APOF: variants seen among roughly 807,000 people sequenced by gnomAD.
APOF encodes lipid transfer inhibitor protein.
APOF carries 2 observed loss-of-function variants against 2.4 expected under a neutral mutation model. The ratio of observed to expected loss-of-function variants is 0.83; its 90% confidence interval spans 0.34 to 2.61. APOF has a LOEUF of 2.61. Among genes scored for constraint, APOF ranks in the 30% most tolerant of loss-of-function variants. The pLI is 0.11. For missense variants in APOF, 370 were observed against 388.7 expected, an observed-to-expected ratio of 0.95 and a Z score of 0.40; for synonymous variants, 149 against 155.6, an observed-to-expected ratio of 0.96 and a Z score of 0.32.
At chr12:56,362,585 G>C (rs763357547) in intron 1 of APOF, 145 bp downstream of exon 1, 9 of 775,598 alleles carry the variant, frequency 1.2e-5, no homozygotes, top group Non-Finnish European at 1.9e-5. Context: ...GAGCCACCGC[G>C]CCTGGCCCCA....
In APOF at chr12:56,362,791, G is replaced by A. The variant is rs775745627; in HGVS notation, c.-46C>T. The A allele has an allele frequency of 3.7e-6, 6 of 1,606,322 alleles. No homozygotes were observed. The South Asian group carries it at 5.5e-5, about 15-fold the overall frequency. ...GTAGGTTTGATCGCTTCCTGATCCT[G>A]TTCTGCCTAGTTCTGTGTCCCATGA... On this transcript the variant is annotated 5_prime_UTR_variant, in exon 1 of 2. Coordinates refer to ENST00000398189, the MANE Select transcript of APOF (RefSeq NM_001638.4).
Position 56,361,905 on chromosome 12 carries a change from G to T in APOF, c.301C>A (p.Gln101Lys). ...LRNALEEAGC[Q>K]ADVWALQLQL... The stretch of plus-strand genomic sequence containing the variant: ...AGCTGTAGAGCCCAAACATCAGCCT[G>T]ACAACCAGCTTCCTCCAGGGCATTC... The change falls in exon 2 of 2, where the codon CAG becomes AAG. Residue 101 changes from glutamine (Q) to lysine (K), a missense_variant. Transcript: ENST00000398189. The T allele has an allele frequency of 6.2e-7, 1 of 1,613,962 alleles. No individual in the cohort carries two copies. The highest frequency in any genetic ancestry group is 8.5e-7 in the Non-Finnish European group (1 of 1,179,854).
In APOF at chr12:56,361,538, T is replaced by C. The variant is rs1194060640; in HGVS notation, c.668A>G (p.Tyr223Cys). The part of the protein sequence containing the change: ...RGRDGAIDLG[Y>C]DLLMTMAGMS... ...CCCAGCCATGGTCATCAGAAGGTCA[T>C]ATCCCAGATCTATGGCCCCATCTCG... is the stretch of plus-strand genomic sequence containing the variant. Residue 223 changes from tyrosine to cysteine, a missense_variant, in exon 2 of 2, where the codon TAT becomes TGT. By Grantham distance (194) the Tyr-to-Cys change is radical. Transcript: ENST00000398189. The C allele has an allele frequency of 1.9e-6, 3 of 1,613,966 alleles. No individual in the cohort carries two copies. Among genetic ancestry groups the C allele is most frequent in the Non-Finnish European group, 1.7e-6 (2 of 1,179,912 alleles).
At position 56,361,652 on chromosome 12, in the gene APOF, A is replaced by G; in HGVS notation, c.554T>C (p.Leu185Pro). 2 of 1,613,128 alleles carry G rather than the reference A, an allele frequency of 1.2e-6. No individual in the cohort carries two copies. The highest frequency in any genetic ancestry group is 1.7e-6 in the Non-Finnish European group (2 of 1,179,506). Residue 185 changes from leucine (L) to proline (P), a missense_variant, in exon 2 of 2, where the codon CTG becomes CCG. Leu to Pro is a moderately conservative substitution (Grantham distance 98, BLOSUM62 -3). Transcript: ENST00000398189. Reference protein sequence around the residue: ...KEQAVHNVVQLLPGVGTFYNL... With the variant: ...KEQAVHNVVQPLPGVGTFYNL... ...GTAGAAGGTTCCCACTCCTGGCAGC[A>G]GCTGGACTACATTGTGCACAGCTTG...
chr12:56,361,805 C>A lies in APOF; in HGVS notation c.401G>T (p.Arg134Ile), dbSNP rs1382059382. The A allele has an allele frequency of 6.2e-7, 1 of 1,612,742 alleles. No individual in the cohort carries two copies. Among genetic ancestry groups the A allele is most frequent in the African/African-American group, 1.3e-5 (1 of 74,938 alleles). Residue 134 changes from arginine to isoleucine, a missense_variant, in exon 2 of 2, where the codon AGA becomes ATA. Transcript: ENST00000398189. ...CACTGACACGTTCCTCTCTGTGCTT[C>A]TGCCTTTCTGGAGCCCTCGAAGATG... ...IQHLRGLQKGRSTERNVSVEA... is the reference protein window; with the variant it reads ...IQHLRGLQKGISTERNVSVEA...
rs1880295444 is a variant in APOF at position 56,361,111 on chromosome 12, T to C, written c.*114A>G. On this transcript the variant is annotated 3_prime_UTR_variant, in exon 2 of 2. Transcript: ENST00000398189. ...GACTTCAACACCCAAACATTTACGT[T>C]CTTACGTTTTACTGTACAGCCTTCC... 1 of 1,293,622 alleles carries C rather than the reference T, an allele frequency of 7.7e-7. No homozygotes were observed. Among genetic ancestry groups the C allele is most frequent in the Non-Finnish European group, 1.0e-6 (1 of 957,028 alleles). The allele number at this position is 1,293,622 out of a possible 1,614,324, so 80.1% of individuals were successfully genotyped here.
rs1441086732 is a variant in APOF, at chr12:56,360,673, T to G, written c.*552A>C. The G allele has an allele frequency of 6.5e-6, 1 of 153,078 alleles. No homozygotes were observed. Among genetic ancestry groups the G allele is most frequent in the Non-Finnish European group, 1.5e-5 (1 of 68,596 alleles). The allele number at this position is 153,078 out of a possible 1,614,324, so 9.5% of individuals were successfully genotyped here. ...ATCTCGGCTCGCTGCAGCCTCGACCTCCCAGGCTCAGGTGATTCTCCCGCC... is the reference window on the plus strand; with the variant it reads ...ATCTCGGCTCGCTGCAGCCTCGACCGCCCAGGCTCAGGTGATTCTCCCGCC... On this transcript the variant is annotated 3_prime_UTR_variant, in exon 2 of 2. Transcript: ENST00000398189.
At position 56,361,696 on chromosome 12, in the gene APOF, G is replaced by A; in HGVS notation, c.510C>T (p.Asp170=). The A allele has an allele frequency of 6.2e-7, 1 of 1,610,610 alleles. No homozygotes were observed. Among genetic ancestry groups the A allele is most frequent in the Non-Finnish European group, 8.5e-7 (1 of 1,178,530 alleles). The stretch of plus-strand genomic sequence containing the variant: ...CAGCTTGCTCCTTCTCATTCTCACA[G>A]TCCTCTGTCGGGAGGGAGCGCCCGA... ...GRVGRSLPTE[D]CENEKEQAVH... is the part of the protein sequence containing the mutation. Residue 170 remains aspartate (D), a synonymous_variant, in exon 2 of 2, where the codon GAC becomes GAT. Coordinates refer to ENST00000398189, the MANE Select transcript of APOF (RefSeq NM_001638.4).
rs1319203370 is a variant in APOF at position 56,361,020 on chromosome 12, G to C, written c.*205C>G. 3.4e-6 allele frequency: 2 copies of C among 586,998 alleles called. No individual in the cohort carries two copies. The highest frequency in any genetic ancestry group is 5.9e-6 in the Non-Finnish European group (2 of 337,608). 36.4% of individuals were successfully genotyped at this position (586,998 alleles called of 1,614,324 possible). A position where few individuals can be genotyped will look rare whatever the true frequency, so the allele number is the denominator to read the frequency against. Reference sequence around the variant, plus strand: ...TCAAAACTGATCTTAGTTCAAGAAAGAAGTTACTATTCAGTGATCACCGAG... The same window carrying C: ...TCAAAACTGATCTTAGTTCAAGAAACAAGTTACTATTCAGTGATCACCGAG... On this transcript the variant is annotated 3_prime_UTR_variant, in exon 2 of 2. Transcript: ENST00000398189.
At position 56,362,775 on chromosome 12, in the gene APOF, A is replaced by G. The variant is rs776941992; in HGVS notation, c.-30T>C. On this transcript the variant is annotated 5_prime_UTR_variant, in exon 1 of 2. Coordinates refer to ENST00000398189, the MANE Select transcript of APOF (RefSeq NM_001638.4). ...AAGTGAGACTGCCTTGGTAGGTTTG[A>G]TCGCTTCCTGATCCTGTTCTGCCTA... The G allele has an allele frequency of 5.0e-6, 8 of 1,613,424 alleles. No individual in the cohort carries two copies. In the Admixed American group the frequency reaches 6.7e-5, roughly 13 times the overall value.
rs1880419995 is a variant in APOF at position 56,362,148 on chromosome 12, T to C, written c.58A>G (p.Ile20Val). Residue 20 changes from isoleucine to valine, a missense_variant, in exon 2 of 2, where the codon ATA (isoleucine) becomes GTA (valine). Transcript: ENST00000398189. Reference protein sequence around the residue: ...PDMRGLRLIMIPVELLLCYLL... With the variant: ...PDMRGLRLIMVPVELLLCYLL... ...TAGCAAAGTAGCAGCTCAACTGGTATCATGATGAGTCTGAGGCCACGCATG... is the reference window on the plus strand; with the variant it reads ...TAGCAAAGTAGCAGCTCAACTGGTACCATGATGAGTCTGAGGCCACGCATG... 2 of 1,613,548 alleles carry C rather than the reference T, an allele frequency of 1.2e-6. No homozygotes were observed. The highest frequency in any genetic ancestry group is 1.7e-5 in the Admixed American group (1 of 59,984).
chr12:56,360,993 C>G lies in APOF; in HGVS notation c.*232G>C. On this transcript the variant is annotated 3_prime_UTR_variant, in exon 2 of 2. Transcript: ENST00000398189. ...AAAATCATTCTATCTCCTTTAGAAA[C>G]TTCAAAACTGATCTTAGTTCAAGAA... 1 of 556,866 alleles carries G rather than the reference C, an allele frequency of 1.8e-6. No homozygotes were observed. Among genetic ancestry groups the G allele is most frequent in the South Asian group, 2.4e-5 (1 of 41,332 alleles). The allele number at this position is 556,866 out of a possible 1,614,324, so 34.5% of individuals were successfully genotyped here.
Position 56,361,474 on chromosome 12 carries a change from T to A in APOF, c.732A>T (p.Ala244=). 1 of 1,614,022 alleles carries A rather than the reference T, an allele frequency of 6.2e-7. No individual in the cohort carries two copies. The highest frequency in any genetic ancestry group is 8.5e-7 in the Non-Finnish European group (1 of 1,179,896). ...CCCCAGACCTTAATGCAGGTTTAAG[T>A]GCAGCACTGATCGCTAGACCCATAG... is the stretch of plus-strand genomic sequence containing the variant. ...GGPMGLAISA[A]LKPALRSGVQ... The change falls in exon 2 of 2, where the codon GCA becomes GCT. Residue 244 remains alanine (A), a synonymous_variant. Coordinates refer to ENST00000398189, the MANE Select transcript of APOF (RefSeq NM_001638.4).
rs1880281229 is a variant in APOF at position 56,360,899 on chromosome 12, G to C, written c.*326C>G. ...CGCACCTGGCTAATAGCTATTTATT[G>C]AAAGTACTGTGATAAGCATTTTAGA... is the stretch of plus-strand genomic sequence containing the variant. On this transcript the variant is annotated 3_prime_UTR_variant, in exon 2 of 2. Coordinates refer to ENST00000398189, the MANE Select transcript of APOF (RefSeq NM_001638.4). 3.3e-6 allele frequency: 1 copy of C among 305,444 alleles called. No homozygotes were observed. Among genetic ancestry groups the C allele is most frequent in the Non-Finnish European group, 6.1e-6 (1 of 162,972 alleles). The allele number at this position is 305,444 out of a possible 1,614,324, so 18.9% of individuals were successfully genotyped here. A position where few individuals can be genotyped will look rare whatever the true frequency, so the allele number is the denominator to read the frequency against.
chr12:56,362,060 A>G lies in APOF; in HGVS notation c.146T>C (p.Phe49Ser), dbSNP rs201004412. The stretch of plus-strand genomic sequence containing the variant: ...TGTCTGGGATTCCAAGGACAAGGGA[A>G]AGTGCATCAAGACATTTGTCTGCTT... ...YGKQTNVLMH[F>S]PLSLESQTPS... Residue 49 changes from phenylalanine (F) to serine (S), a missense_variant, in exon 2 of 2, where the codon TTT (phenylalanine) becomes TCT (serine). Coordinates refer to ENST00000398189, the MANE Select transcript of APOF (RefSeq NM_001638.4). The G allele has an allele frequency of 5.7e-4, 920 of 1,613,998 alleles. 7 individuals carry two copies. The Middle Eastern group carries it at 0.015, about 27-fold the overall frequency.
At chr12:56,362,628 A>G in intron 1 of APOF, 102 bp downstream of exon 1, 1 of 1,200,730 alleles carries the variant, frequency 8.3e-7, no homozygotes, top group South Asian at 1.3e-5. Flanking sequence ...AGGCCTAGGA[A>G]ATAGGAAATG....
Position 56,361,901 on chromosome 12 carries a change from G to C in APOF, c.305C>G (p.Ala102Gly), listed in dbSNP as rs776287645. Residue 102 changes from alanine to glycine, a missense_variant, in exon 2 of 2, where the codon GCT (alanine) becomes GGT (glycine). Physicochemically the swap from Ala to Gly is moderately conservative, Grantham distance 60. Coordinates refer to ENST00000398189, the MANE Select transcript of APOF (RefSeq NM_001638.4). ...CTGTAGCTGTAGAGCCCAAACATCA[G>C]CCTGACAACCAGCTTCCTCCAGGGC... ...RNALEEAGCQ[A>G]DVWALQLQLY... The C allele has an allele frequency of 2.5e-6, 4 of 1,613,802 alleles. No homozygotes were observed. In the African/African-American group the frequency reaches 5.3e-5, roughly 22 times the overall value.
rs1255131978 is a variant in APOF, at chr12:56,361,182, G to A, written c.*43C>T. 12 of 1,576,986 alleles carry A rather than the reference G, an allele frequency of 7.6e-6. No individual in the cohort carries two copies. Among genetic ancestry groups the A allele is most frequent in the Non-Finnish European group, 9.5e-6 (11 of 1,162,060 alleles). On this transcript the variant is annotated 3_prime_UTR_variant, in exon 2 of 2. Transcript: ENST00000398189. ...AATTTTGAAGACATGTATATAGCTT[G>A]TCAGGGTAGTACAGTTATTAATTCT...
rs1429322674 is a variant in APOF, at chr12:56,361,590, A to C, written c.616T>G (p.Cys206Gly). Residue 206 changes from cysteine to glycine, a missense_variant, in exon 2 of 2, where the codon TGC (cysteine) becomes GGC (glycine). Coordinates refer to ENST00000398189, the MANE Select transcript of APOF (RefSeq NM_001638.4). ...CCTCGTTCCCTGGCCTTGCCCAGGC[A>C]GTTTTGAGTAGCATAATACAAAGCT... ...GTALYYATQN[C>G]LGKARERGRD... 1 of 1,614,020 alleles carries C rather than the reference A, an allele frequency of 6.2e-7. No homozygotes were observed. The highest frequency in any genetic ancestry group is 2.2e-5 in the East Asian group (1 of 44,890).
Sources: allele counts gnomAD v4.1 joint callset, GRCh38; gene constraint gnomAD v4.1.1; transcripts MANE v1.5; gene names NCBI Gene and HGNC (gene_info 2026-07-23, HGNC 2026-07-21).